Variants in USP42 observed in about 807,000 individuals in gnomAD.
The protein encoded by USP42 is ubiquitin carboxyl-terminal hydrolase 42.
In USP42, 23 loss-of-function variants were observed where a neutral mutation model predicts 113.0. That is an observed-to-expected ratio of 0.20 (90% CI 0.15 to 0.29). USP42 has a LOEUF of 0.29. Among genes scored for constraint, USP42 ranks in the 10% least tolerant of loss-of-function variants. The pLI is 1.00. For synonymous variants in USP42, 933 were observed against 699.0 expected, an observed-to-expected ratio of 1.33 and a Z score of -5.28; for missense variants, 2,174 against 1,779.8, an observed-to-expected ratio of 1.22 and a Z score of -3.99.
the USP42 span, among the ~76,000 whole-genome samples, chr7:6,098,008 G>A: frequency 8.4e-4 from 120 of 142,894 alleles, 7 homozygotes; most frequent in African/African-American, 3.0e-3. Flanking sequence ...TGGTTTAAGC[G>A]ATTCTCCTGC....
chr7:6,117,108 A>G (rs933040018), intron 3 of USP42, among the ~76,000 whole-genome samples: 1 of 152,050 alleles, frequency 6.6e-6, no homozygotes, highest in Admixed American at 6.6e-5. Context: ...ATTTGTATAC[A>G]CCCGTGGAAC....
chr7:6,097,463 G>A, the USP42 span, among the ~76,000 whole-genome samples: 54 of 144,438 alleles, frequency 3.7e-4, 2 homozygotes, highest in African/African-American at 1.3e-3. Context: ...GAAGTGTGCC[G>A]TTGCATGATC....
chr7:6,136,002 CTTTTT>C (rs11322306), intron 4 of USP42, 51 bp downstream of exon 4: 551 of 548,276 alleles, frequency 1.0e-3, no homozygotes, highest in East Asian at 1.7e-3. Context: ...CCTAGTTATA[CTTTTT>C]TTTTTTTTTT....
chr7:6,132,781 C>G (rs956818702), intron 3 of USP42, among the ~76,000 whole-genome samples: 1 of 152,198 alleles, frequency 6.6e-6, no homozygotes, highest in Non-Finnish European at 1.5e-5. Flanking sequence ...ACGCCATTCT[C>G]CTGCCTCAGC....
chr7:6,096,658 G>A, the USP42 span, among the ~76,000 whole-genome samples: 4 of 151,410 alleles, frequency 2.6e-5, no homozygotes, highest in Non-Finnish European at 4.4e-5. Context: ...GATTGCACAA[G>A]TTGATTAATC....
chr7:6,110,784 G>A (rs1359122312), intron 1 of USP42, among the ~76,000 whole-genome samples: 1 of 152,078 alleles, frequency 6.6e-6, no homozygotes, highest in African/African-American at 2.4e-5. Flanking sequence ...GGAAAATATA[G>A]GTACTTAGTA....
intron 3 of USP42, among the ~76,000 whole-genome samples, chr7:6,121,872 G>A (rs1446249633): frequency 6.6e-5 from 10 of 152,082 alleles, no homozygotes; most frequent in Admixed American, 6.6e-4. Context: ...TGTTGCCCAG[G>A]GTAGTCTTGA....
chr7:6,101,440 TC>T (rs564441243), upstream of USP42, among the ~76,000 whole-genome samples: 57 of 151,376 alleles, frequency 3.8e-4, 2 homozygotes, highest in African/African-American at 1.3e-3. Context: ...TTAAGTAATT[TC>T]TGTAGGTCAC....
At chr7:6,086,827 G>C in the USP42 span, among the ~76,000 whole-genome samples, 1 of 150,462 alleles carries the variant, frequency 6.6e-6, no homozygotes, top group African/African-American at 2.5e-5. Context: ...CCCAGTTCAA[G>C]CAATTCTCCT....
the USP42 span, among the ~76,000 whole-genome samples, chr7:6,097,352 A>G: frequency 6.8e-6 from 1 of 146,222 alleles, no homozygotes. Flanking sequence ...CTGCCATGGA[A>G]TTCATGGCAT....
intron 1 of USP42, among the ~76,000 whole-genome samples, chr7:6,105,979 G>A (rs1009779646): frequency 1.3e-5 from 2 of 152,186 alleles, no homozygotes; most frequent in Non-Finnish European, 2.9e-5. Flanking sequence ...CCTTTTCAAG[G>A]TAACCACAGA....
In USP42 at chr7:6,147,798, C is replaced by G; in HGVS notation, c.1292C>G (p.Ser431Cys). 1 of 1,613,196 alleles carries G rather than the reference C, an allele frequency of 6.2e-7. No homozygotes were observed. The highest frequency in any genetic ancestry group is 8.5e-7 in the Non-Finnish European group (1 of 1,179,358). The change falls in exon 12 of 18, where the codon TCC (serine) becomes TGC (cysteine). Residue 431 changes from serine (S) to cysteine (C), a missense_variant. Physicochemically the swap from Ser to Cys is moderately radical, Grantham distance 112 (BLOSUM62 -1). Transcript: ENST00000306177. ...LTHPTHSPGQSSPRPVISQRV... is the reference protein window; with the variant it reads ...LTHPTHSPGQCSPRPVISQRV... Reference sequence around the variant, plus strand: ...CATCCCACCCATAGCCCCGGCCAGTCCTCTCCCCGCCCCGTCATCAGTCAG... The same window carrying G: ...CATCCCACCCATAGCCCCGGCCAGTGCTCTCCCCGCCCCGTCATCAGTCAG...
intron 7 of USP42, among the ~76,000 whole-genome samples, chr7:6,141,750 T>G (rs1781444755): frequency 6.6e-6 from 1 of 152,168 alleles, no homozygotes; most frequent in African/African-American, 2.4e-5. Context: ...CTAATTTTTT[T>G]GTTGTTTTTG....
the USP42 span, among the ~76,000 whole-genome samples, chr7:6,099,477 G>A: frequency 6.7e-5 from 10 of 150,342 alleles, no homozygotes; most frequent in Admixed American, 2.0e-4. Flanking sequence ...GCCTCCCAAA[G>A]TGCTGGGATT....
chr7:6,153,046 G>A (rs1353061933), intron 14 of USP42: 40 of 752,672 alleles, frequency 5.3e-5, no homozygotes, highest in South Asian at 6.0e-5. Flanking sequence ...TGAGGCGGGC[G>A]GATCACCTGA....
Position 6,149,868 on chromosome 7 carries a change from A to G in USP42, c.1672A>G (p.Ile558Val), listed in dbSNP as rs756391606. The change falls in exon 13 of 18, where the codon ATT (isoleucine) becomes GTT (valine). Residue 558 changes from isoleucine (I) to valine (V), a missense_variant. Ile to Val is a conservative substitution (Grantham distance 29). Transcript: ENST00000306177. ...NPTKPVPSST[I>V]TNSAVQSTSN... is the part of the protein sequence containing the mutation. Reference sequence around the variant, plus strand: ...TACCAAGCCCGTTCCCTCTTCTACCATTACCAATTCTGCAGTACAGTCTAC... The same window carrying G: ...TACCAAGCCCGTTCCCTCTTCTACCGTTACCAATTCTGCAGTACAGTCTAC... 2.7e-5 allele frequency: 44 copies of G among 1,613,914 alleles called. No individual in the cohort carries two copies. Among genetic ancestry groups the G allele is most frequent in the Non-Finnish European group, 3.7e-5 (44 of 1,179,904 alleles).
chr7:6,117,054 C>A, intron 3 of USP42: 1 of 311,992 alleles, frequency 3.2e-6, no homozygotes, highest in Admixed American at 5.1e-5. Flanking sequence ...TTGATATATA[C>A]CAAATTACAC....
chr7:6,098,310 A>G, the USP42 span, among the ~76,000 whole-genome samples: 1 of 150,080 alleles, frequency 6.7e-6, no homozygotes, highest in East Asian at 1.9e-4. Context: ...AAGTGCCCAC[A>G]TATCTATAAA....
chr7:6,096,460 T>C, the USP42 span, among the ~76,000 whole-genome samples: 5 of 151,214 alleles, frequency 3.3e-5, no homozygotes, highest in Non-Finnish European at 7.3e-5. Flanking sequence ...ATAGGTTGCA[T>C]GTGATGGGAA....
Sources: gnomAD v4.1 joint callset for allele counts (sites outside exome capture counted in the v4.1 genomes callset) on GRCh38, gnomAD v4.1.1 for gene constraint, MANE v1.5 for transcripts, NCBI Gene and HGNC (gene_info 2026-07-23, HGNC 2026-07-21) for gene names.